The following ANGPT1 variants were observed in gnomAD, a reference collection of about 807,000 sequenced individuals.
The protein encoded by ANGPT1 is angiopoietin 1.
ANGPT1 carries 17 observed loss-of-function variants against 62.2 expected under a neutral mutation model. The observed-to-expected ratio is 0.27, with a 90% confidence interval of 0.19 to 0.41. ANGPT1 has a LOEUF of 0.41. Among genes scored for constraint, ANGPT1 ranks in the 10% least tolerant of loss-of-function variants. The pLI is 1.00. For missense variants in ANGPT1, 478 were observed against 594.9 expected (o/e 0.80, Z 2.04); for synonymous variants, 199 against 198.9 (o/e 1.00, Z 0.00).
chr8:107,461,158 T>C (rs558500866), intron 1 of ANGPT1, among the ~76,000 whole-genome samples: 44 of 152,298 alleles, frequency 2.9e-4, no homozygotes, highest in Non-Finnish European at 5.3e-4. Context: ...TTTTTATAAA[T>C]TTTGAGCTGG....
At chr8:107,265,910 A>G (rs751528494) in intron 7 of ANGPT1, among the ~76,000 whole-genome samples, 1 of 87,562 alleles carries the variant, frequency 1.1e-5, no homozygotes, top group South Asian at 3.3e-4. Context: ...GCAAAAAACA[A>G]TATTATTGGA....
At chr8:107,429,167 T>C (rs1489501496) in intron 1 of ANGPT1, among the ~76,000 whole-genome samples, 1 of 152,216 alleles carries the variant, frequency 6.6e-6, no homozygotes, top group African/African-American at 2.4e-5. Context: ...AATAGGTGCT[T>C]ATATGTCACA....
chr8:107,278,290 C>T (rs1042958160), intron 7 of ANGPT1, among the ~76,000 whole-genome samples: 2 of 152,136 alleles, frequency 1.3e-5, no homozygotes, highest in African/African-American at 4.8e-5. Context: ...CGCTATGTTG[C>T]CCAGGCTGAT....
intron 4 of ANGPT1, among the ~76,000 whole-genome samples, chr8:107,308,431 G>A (rs1199633659): frequency 6.6e-6 from 1 of 152,136 alleles, no homozygotes; most frequent in African/African-American, 2.4e-5. Context: ...TCACAAGATA[G>A]CTGGCAATAA....
chr8:107,399,548 T>G (rs983385227), intron 1 of ANGPT1, among the ~76,000 whole-genome samples: 1 of 152,074 alleles, frequency 6.6e-6, no homozygotes, highest in Non-Finnish European at 1.5e-5. Context: ...AAAATATAGG[T>G]GATTCACGGT....
chr8:107,436,500 T>C (rs1038006398), intron 1 of ANGPT1, among the ~76,000 whole-genome samples: 4 of 152,228 alleles, frequency 2.6e-5, no homozygotes, highest in African/African-American at 9.6e-5. Flanking sequence ...CTCTTGTGCT[T>C]ATATGGAACG....
At chr8:107,385,109 G>C (rs1343310086) in intron 1 of ANGPT1, among the ~76,000 whole-genome samples, 1 of 151,994 alleles carries the variant, frequency 6.6e-6, no homozygotes. Context: ...CTCTTTCTTG[G>C]TTCCAATTGA....
intron 2 of ANGPT1, among the ~76,000 whole-genome samples, chr8:107,346,285 T>C (rs150577854): frequency 1.3e-5 from 2 of 152,296 alleles, no homozygotes; most frequent in African/African-American, 4.8e-5. Context: ...AATAATGATT[T>C]TCATGGCTAA....
intron 1 of ANGPT1, among the ~76,000 whole-genome samples, chr8:107,367,493 G>T (rs1816299695): frequency 1.3e-5 from 2 of 152,014 alleles, no homozygotes; most frequent in Non-Finnish European, 2.9e-5. Flanking sequence ...AAACAGTGAA[G>T]TTATCCATAT....
intron 3 of ANGPT1, among the ~76,000 whole-genome samples, chr8:107,332,497 T>C (rs767466255): frequency 6.6e-6 from 1 of 152,228 alleles, no homozygotes; most frequent in Non-Finnish European, 1.5e-5. Flanking sequence ...CTTCTGGCCA[T>C]GTAGGGGATA....
In ANGPT1 at chr8:107,322,168, G is replaced by A. The variant is rs185226707; in HGVS notation, c.576-40C>T. 497 of 1,453,872 alleles carry A rather than the reference G, an allele frequency of 3.4e-4. 2 individuals carry two copies. In the African/African-American group the frequency reaches 6.5e-3, roughly 19 times the overall value. 90.1% of individuals were successfully genotyped at this position (1,453,872 alleles called of 1,614,324 possible). A position where few individuals can be genotyped will look rare whatever the true frequency, so the allele number is the denominator to read the frequency against. Reference sequence around the variant, plus strand: ...AAATAAAACTTAGATTTGAAAAAATGTTATACAAAAAAACCCTTATAATTC... The same window carrying A: ...AAATAAAACTTAGATTTGAAAAAATATTATACAAAAAAACCCTTATAATTC... On this transcript the variant is annotated intron_variant, in intron 3 of 8. Coordinates refer to ENST00000517746, the MANE Select transcript of ANGPT1 (RefSeq NM_001146.5).
intron 1 of ANGPT1, among the ~76,000 whole-genome samples, chr8:107,479,503 G>A (rs757498670): frequency 6.6e-6 from 1 of 152,086 alleles, no homozygotes; most frequent in Non-Finnish European, 1.5e-5. Flanking sequence ...GGAAAATCTG[G>A]GATAGATTTT....
At chr8:107,459,837 G>T (rs1418580404) in intron 1 of ANGPT1, among the ~76,000 whole-genome samples, 1 of 152,056 alleles carries the variant, frequency 6.6e-6, no homozygotes, top group East Asian at 1.9e-4. Context: ...AACAGCACAG[G>T]GTGTTGAATG....
intron 1 of ANGPT1, among the ~76,000 whole-genome samples, chr8:107,490,693 G>GA: frequency 6.6e-6 from 1 of 152,230 alleles, no homozygotes; most frequent in Middle Eastern, 3.2e-3. Context: ...AAAAGGGCTG[G>GA]ATATTAAGTA....
At chr8:107,274,805 A>G (rs1352778416) in intron 7 of ANGPT1, among the ~76,000 whole-genome samples, 1 of 152,112 alleles carries the variant, frequency 6.6e-6, no homozygotes, top group Non-Finnish European at 1.5e-5. Context: ...AACCTTGTCA[A>G]TATGTCTTTT....
At chr8:107,442,736 A>C (rs1046967241) in intron 1 of ANGPT1, among the ~76,000 whole-genome samples, 7 of 152,248 alleles carry the variant, frequency 4.6e-5, no homozygotes, top group Non-Finnish European at 7.3e-5. Flanking sequence ...CTTTCAAAAG[A>C]CACACATGTG....
intron 3 of ANGPT1, among the ~76,000 whole-genome samples, chr8:107,333,644 A>G (rs1448274847): frequency 4.6e-5 from 7 of 152,128 alleles, no homozygotes; most frequent in African/African-American, 1.7e-4. Flanking sequence ...GTTTGGGATC[A>G]GAAGTCAGAT....
chr8:107,334,265 C>T (rs150666098), intron 3 of ANGPT1, among the ~76,000 whole-genome samples: 43 of 152,166 alleles, frequency 2.8e-4, no homozygotes, highest in African/African-American at 9.9e-4. Flanking sequence ...GCAACTCTTT[C>T]AGAAATAAAT....
At chr8:107,390,003 A>G (rs1260529617) in intron 1 of ANGPT1, among the ~76,000 whole-genome samples, 1 of 151,688 alleles carries the variant, frequency 6.6e-6, no homozygotes, top group Admixed American at 6.6e-5. Context: ...TATTGTTCCT[A>G]CTTCCTTTCC....
Sources: allele counts gnomAD v4.1 joint callset (sites outside exome capture counted in the v4.1 genomes callset), GRCh38; gene constraint gnomAD v4.1.1; transcripts MANE v1.5; gene names NCBI Gene and HGNC (gene_info 2026-07-23, HGNC 2026-07-21).